MARCHF1: variants seen among roughly 807,000 people sequenced by gnomAD.
MARCHF1 encodes E3 ubiquitin-protein ligase MARCHF1.
In MARCHF1, 40 loss-of-function variants were observed where a neutral mutation model predicts 54.2. The observed-to-expected ratio is 0.74, with a 90% CI of 0.57 to 0.96. MARCHF1 has a LOEUF of 0.96. Ranked by LOEUF, MARCHF1 falls within the 40% of genes least tolerant of loss-of-function variation. The pLI is 0.00. For synonymous variants in MARCHF1, 236 were observed against 236.3 expected (o/e 1.00, Z 0.01); for missense variants, 586 against 656.5 (o/e 0.89, Z 1.17).
chr4:164,127,052 T>TCAAAA (rs61100715), intron 1 of MARCHF1, among the ~76,000 whole-genome samples: 1,639 of 150,582 alleles, frequency 0.011, 28 homozygotes, highest in African/African-American at 0.038. Context: ...AAACTCCGTC[T>TCAAAA]CAAAACAAAA....
chr4:164,357,234 C>G (rs949216399), intron 1 of MARCHF1, among the ~76,000 whole-genome samples: 2 of 151,948 alleles, frequency 1.3e-5, no homozygotes. Context: ...ATGACCAGGG[C>G]TCATTCATTT....
intron 1 of MARCHF1, among the ~76,000 whole-genome samples, chr4:164,151,496 A>T (rs1447823368): frequency 6.6e-6 from 1 of 152,180 alleles, no homozygotes; most frequent in Non-Finnish European, 1.5e-5. Flanking sequence ...TGCCTGGAGC[A>T]ATACTTCCTA....
intron 3 of MARCHF1, among the ~76,000 whole-genome samples, chr4:163,929,986 A>T (rs1241928060): frequency 1.5e-5 from 2 of 132,800 alleles, no homozygotes; most frequent in Admixed American, 1.7e-4. Flanking sequence ...TATATAATAT[A>T]TATATAATAT....
intron 1 of MARCHF1, among the ~76,000 whole-genome samples, chr4:164,270,677 G>A (rs2111306770): frequency 6.6e-6 from 1 of 152,024 alleles, no homozygotes; most frequent in East Asian, 1.9e-4. Context: ...CCACAATAAT[G>A]GCAGAAAAAC....
intron 1 of MARCHF1, among the ~76,000 whole-genome samples, chr4:164,168,029 G>A (rs1014991281): frequency 2.6e-5 from 4 of 151,788 alleles, no homozygotes; most frequent in Non-Finnish European, 4.4e-5. Flanking sequence ...ATCTGGTAAG[G>A]GGTTAATATT....
intron 1 of MARCHF1, among the ~76,000 whole-genome samples, chr4:164,194,031 C>G (rs1034860980): frequency 3.9e-5 from 6 of 152,008 alleles, no homozygotes; most frequent in Non-Finnish European, 8.8e-5. Flanking sequence ...AACTCTCTCT[C>G]TCAAAAGTGG....
intron 2 of MARCHF1, among the ~76,000 whole-genome samples, chr4:164,066,997 G>A (rs963506616): frequency 6.6e-6 from 1 of 151,138 alleles, no homozygotes; most frequent in East Asian, 1.9e-4. Flanking sequence ...TAACAAACCT[G>A]CACTTGTACC....
At chr4:164,101,560 T>A (rs547274565) in intron 2 of MARCHF1, among the ~76,000 whole-genome samples, 1 of 129,568 alleles carries the variant, frequency 7.7e-6, no homozygotes, top group East Asian at 2.0e-4. Flanking sequence ...GTCCTCTCTG[T>A]TAGAAGGAAA....
intron 3 of MARCHF1, among the ~76,000 whole-genome samples, chr4:163,864,651 C>T (rs1452117690): frequency 2.0e-5 from 3 of 151,800 alleles, no homozygotes; most frequent in African/African-American, 7.3e-5. Context: ...TATATGGGAA[C>T]TCCTTGCAAT....
intron 2 of MARCHF1, among the ~76,000 whole-genome samples, chr4:164,102,662 G>A (rs963684925): frequency 4.2e-4 from 64 of 151,724 alleles, no homozygotes; most frequent in African/African-American, 1.5e-3. Flanking sequence ...GCAAAATCAT[G>A]CCAAAATGTA....
intron 4 of MARCHF1, among the ~76,000 whole-genome samples, chr4:163,751,512 A>G (rs1746520390): frequency 6.6e-6 from 1 of 152,138 alleles, no homozygotes; most frequent in South Asian, 2.1e-4. Flanking sequence ...AATATAATTA[A>G]TTTTAAAAGA....
At chr4:163,897,811 C>G (rs907645738) in intron 3 of MARCHF1, among the ~76,000 whole-genome samples, 2 of 151,994 alleles carry the variant, frequency 1.3e-5, no homozygotes, top group East Asian at 1.9e-4. Flanking sequence ...AATCCCAGCA[C>G]TTTGGGAGGC....
chr4:164,038,997 A>G (rs1421799666), intron 2 of MARCHF1, among the ~76,000 whole-genome samples: 2 of 152,198 alleles, frequency 1.3e-5, no homozygotes, highest in African/African-American at 4.8e-5. Context: ...GAATAAGATA[A>G]ACACTTAAAG....
At chr4:163,549,057 C>A (rs1739008965) in intron 8 of MARCHF1, among the ~76,000 whole-genome samples, 1 of 152,166 alleles carries the variant, frequency 6.6e-6, no homozygotes, top group Admixed American at 6.5e-5. Context: ...ATGGTTACAC[C>A]TCTAGAGAAG....
At chr4:163,751,952 C>G (rs9884415) in intron 4 of MARCHF1, among the ~76,000 whole-genome samples, 57,233 of 150,940 alleles carry the variant, frequency 0.38, 11,054 homozygotes, top group Middle Eastern at 0.45. Context: ...AGCGATAACT[C>G]TCTTCCAACA....
At chr4:163,677,547 C>T (rs547537848) in intron 5 of MARCHF1, among the ~76,000 whole-genome samples, 14 of 152,298 alleles carry the variant, frequency 9.2e-5, no homozygotes, top group Non-Finnish European at 1.6e-4. Context: ...TATCTCTTCC[C>T]TAGAGAAGTC....
At position 164,147,803 on chromosome 4, in the gene MARCHF1, C is replaced by T. The variant is rs999305207; in HGVS notation, c.-322-36141G>A. Among the ~76,000 whole-genome samples, 12 of 145,804 alleles carry T rather than the reference C, an allele frequency of 8.2e-5. No individual in the cohort carries two copies. The Admixed American group carries it at 8.2e-4, about 10-fold the overall frequency. On this transcript the variant is annotated intron_variant, in intron 1 of 9. Coordinates refer to ENST00000514618, the MANE Select transcript of MARCHF1 (RefSeq NM_001394959.1). ...TAACCTGCACATTGTGCACATGTAC[C>T]CTAAAACTTAAAGTATAATAATAAA...
chr4:164,321,338 G>A (rs543632489), intron 1 of MARCHF1, among the ~76,000 whole-genome samples: 5 of 152,066 alleles, frequency 3.3e-5, no homozygotes, highest in Admixed American at 6.6e-5. Context: ...ATGACGCAGT[G>A]GATGAATTTA....
intron 5 of MARCHF1, among the ~76,000 whole-genome samples, chr4:163,679,737 C>T (rs1213315579): frequency 1.3e-5 from 2 of 151,926 alleles, no homozygotes; most frequent in Non-Finnish European, 2.9e-5. Context: ...CTCAGCCTCC[C>T]GAGTAGCTGG....
Sources: gnomAD v4.1 joint callset for allele counts (sites outside exome capture counted in the v4.1 genomes callset) on GRCh38, gnomAD v4.1.1 for gene constraint, MANE v1.5 for transcripts, NCBI Gene and HGNC (gene_info 2026-07-23, HGNC 2026-07-21) for gene names.